Variants in NGEF observed in about 807,000 individuals in gnomAD.
The protein encoded by NGEF is ephexin-1.
A neutral mutation model predicts 80.9 loss-of-function variants in NGEF; 31 were observed. The ratio of observed to expected loss-of-function variants is 0.38; its 90% CI spans 0.29 to 0.52. The LOEUF is 0.52. Among genes scored for constraint, NGEF ranks in the 20% least tolerant of loss-of-function variants. The pLI, the probability that NGEF is intolerant of heterozygous loss-of-function variation, is 0.84. For missense variants in NGEF, 709 were observed against 926.2 expected (o/e 0.77, Z 3.04); for synonymous variants, 371 against 370.2 (o/e 1.00, Z -0.03).
At chr2:232,883,621 A>G (rs1691585301) in intron 11 of NGEF, among the ~76,000 whole-genome samples, 155 bp from the exon 12 acceptor site, 1 of 152,008 alleles carries the variant, frequency 6.6e-6, no homozygotes, top group African/African-American at 2.4e-5. Context: ...TGTCTCCCGC[A>G]CCCCAAAAGG....
intron 3 of NGEF, among the ~76,000 whole-genome samples, chr2:232,930,163 GAC>G (rs1355486502): frequency 6.6e-6 from 1 of 152,082 alleles, no homozygotes; most frequent in African/African-American, 2.4e-5. Context: ...GTAAACAGCA[GAC>G]ACATTTCTCA....
rs1304758168 is a variant in NGEF, at chr2:232,986,755, A to G, written c.-74-11791T>C. ...TCAAAGGGTAAAACCTTTCAATTAT[A>G]AGATGAACAAGTTCTGGGGATCTAA... On this transcript the variant is annotated intron_variant, in intron 1 of 14. Transcript: ENST00000264051. Among the ~76,000 whole-genome samples the G allele has an allele frequency of 6.6e-5, 10 of 152,312 alleles. No homozygotes were observed. In the East Asian group the frequency reaches 1.2e-3, roughly 18 times the overall value.
chr2:232,976,921 C>T (rs574637870), intron 1 of NGEF, among the ~76,000 whole-genome samples: 12 of 152,276 alleles, frequency 7.9e-5, no homozygotes, highest in South Asian at 2.1e-4. Flanking sequence ...TAGAAAGCAA[C>T]GCTGCTATTT....
intron 3 of NGEF, among the ~76,000 whole-genome samples, chr2:232,943,536 C>T (rs968591515): frequency 1.2e-4 from 17 of 138,454 alleles, no homozygotes; most frequent in Non-Finnish European, 2.4e-4. Context: ...CACTCTGTCG[C>T]CCAGGCTGGA....
intron 1 of NGEF, among the ~76,000 whole-genome samples, chr2:233,002,239 T>C (rs1694994192): frequency 1.3e-5 from 2 of 152,136 alleles, no homozygotes; most frequent in Non-Finnish European, 2.9e-5. Flanking sequence ...TTTTACTTAT[T>C]CTAGAAAAAA....
At chr2:232,964,688 A>G (rs1020029505) in intron 3 of NGEF, among the ~76,000 whole-genome samples, 2 of 152,244 alleles carry the variant, frequency 1.3e-5, no homozygotes, top group African/African-American at 2.4e-5. Context: ...ACTCTGTCTC[A>G]AAAATAAAAT....
chr2:232,895,988 C>A (rs1476473622), intron 5 of NGEF, among the ~76,000 whole-genome samples: 1 of 152,034 alleles, frequency 6.6e-6, no homozygotes, highest in Admixed American at 6.6e-5. Context: ...TCCCGGCTCA[C>A]CTTCCTCCCT....
intron 1 of NGEF, among the ~76,000 whole-genome samples, chr2:232,984,191 C>A (rs562347177): frequency 6.6e-6 from 1 of 152,234 alleles, no homozygotes; most frequent in South Asian, 2.1e-4. Context: ...CTCGAGCAAT[C>A]CTCCTTCCTC....
At chr2:232,933,848 C>T (rs1471703433) in intron 3 of NGEF, among the ~76,000 whole-genome samples, 1 of 152,244 alleles carries the variant, frequency 6.6e-6, no homozygotes, top group Non-Finnish European at 1.5e-5. Context: ...TGCTGCCTGG[C>T]ACTGTGATGT....
At chr2:232,954,411 TA>T (rs1233567338) in intron 3 of NGEF, among the ~76,000 whole-genome samples, 5 of 152,044 alleles carry the variant, frequency 3.3e-5, no homozygotes, top group Non-Finnish European at 5.9e-5. Flanking sequence ...TGAGATATTG[TA>T]GGATGCTGTG....
At chr2:233,004,946 T>C (rs1695055826) in intron 1 of NGEF, among the ~76,000 whole-genome samples, 4 of 151,954 alleles carry the variant, frequency 2.6e-5, no homozygotes, top group Admixed American at 2.6e-4. Flanking sequence ...ACTGCACTCG[T>C]GCCCCCTAAA....
At chr2:232,995,089 A>ATGTATAT (rs1553559788) in intron 1 of NGEF, among the ~76,000 whole-genome samples, 5 of 25,250 alleles carry the variant, frequency 2.0e-4, no homozygotes, top group African/African-American at 9.0e-4. Flanking sequence ...TGTGTACAGT[A>ATGTATAT]TGTATATGTG....
intron 1 of NGEF, among the ~76,000 whole-genome samples, chr2:232,985,630 G>A (rs1380718895): frequency 6.6e-6 from 1 of 152,104 alleles, no homozygotes; most frequent in African/African-American, 2.4e-5. Flanking sequence ...GCGGGTACCT[G>A]TAGTCCCAGC....
In NGEF at chr2:232,891,226, G is replaced by A. The variant is rs1219148503; in HGVS notation, c.1272+132C>T. The A allele has an allele frequency of 2.8e-5, 34 of 1,227,900 alleles. 1 individual carries two copies. The highest frequency in any genetic ancestry group is 1.9e-4 in the South Asian group (14 of 72,124). The allele number at this position is 1,227,900 out of a possible 1,614,324, so 76.1% of individuals were successfully genotyped here. On this transcript the variant is annotated intron_variant, in intron 8 of 14. Transcript: ENST00000264051. ...CGCTGCATCCTCACTGCCCAGGAACGTGCTTGGCACACATGGGAGGAGCTT... is the reference window on the plus strand; with the variant it reads ...CGCTGCATCCTCACTGCCCAGGAACATGCTTGGCACACATGGGAGGAGCTT...
intron 3 of NGEF, among the ~76,000 whole-genome samples, chr2:232,944,911 C>T (rs907759419): frequency 1.6e-4 from 24 of 151,736 alleles, no homozygotes; most frequent in African/African-American, 3.9e-4. Flanking sequence ...GCCACCACAC[C>T]GGCCTAATTT....
chr2:233,009,311 A>G (rs1695154354), intron 1 of NGEF, among the ~76,000 whole-genome samples: 1 of 152,198 alleles, frequency 6.6e-6, no homozygotes, highest in Admixed American at 6.5e-5. Flanking sequence ...CTCATTTGAC[A>G]TAATGGCCTC....
chr2:232,892,470 G>A lies in NGEF; in HGVS notation c.1142+428C>T, dbSNP rs1448661943. 6.6e-6 allele frequency among the ~76,000 whole-genome samples: 1 copy of A among 152,088 alleles called. No homozygotes were observed. Among genetic ancestry groups the A allele is most frequent in the Non-Finnish European group, 1.5e-5 (1 of 68,016 alleles). ...TGGGCAGATTAGCAATCAATGCCCC[G>A]GCGCTGCTGGAGGAGCCCCACCGAG... On this transcript the variant is annotated intron_variant, in intron 7 of 14. Coordinates refer to ENST00000264051, the MANE Select transcript of NGEF (RefSeq NM_019850.3). This position sits in a 1 kb window ranked among gnomAD's most constrained non-coding sequence, Gnocchi z 4.0.
intron 1 of NGEF, among the ~76,000 whole-genome samples, chr2:232,990,884 T>C (rs1204343516): frequency 6.6e-6 from 1 of 152,060 alleles, no homozygotes; most frequent in Non-Finnish European, 1.5e-5. Flanking sequence ...TTATATACTA[T>C]GACCAAGTAG....
intron 1 of NGEF, among the ~76,000 whole-genome samples, chr2:232,994,891 C>A (rs994518512): frequency 1.3e-5 from 2 of 150,488 alleles, no homozygotes; most frequent in Non-Finnish European, 3.0e-5. Flanking sequence ...TATATACATG[C>A]ATATAATACA....
Sources: allele counts gnomAD v4.1 joint callset (sites outside exome capture counted in the v4.1 genomes callset), GRCh38; gene constraint gnomAD v4.1.1; non-coding constraint Gnocchi (gnomAD v3.1); transcripts MANE v1.5; gene names NCBI Gene and HGNC (gene_info 2026-07-23, HGNC 2026-07-21).